Variants in ALPK2 observed in about 807,000 individuals in gnomAD.
ALPK2 encodes alpha kinase 2.
A neutral mutation model predicts 163.1 loss-of-function variants in ALPK2; 127 were observed. The observed-to-expected ratio is 0.78, with a 90% CI of 0.67 to 0.90. ALPK2 has a LOEUF of 0.90. ALPK2 is among the 40% of genes least tolerant of loss of function. The pLI, the probability that ALPK2 is intolerant of heterozygous loss-of-function variation, is 0.00. For synonymous variants in ALPK2, 953 were observed against 959.1 expected (o/e 0.99, Z 0.12); for missense variants, 2,360 against 2,589.6 (o/e 0.91, Z 1.92).
At chr18:58,569,337 G>A (rs2051873260) in intron 4 of ALPK2, among the ~76,000 whole-genome samples, 1 of 152,198 alleles carries the variant, frequency 6.6e-6, no homozygotes, top group Non-Finnish European at 1.5e-5. Context: ...GAATGTCTGA[G>A]GGCAAAACCC....
At chr18:58,568,357 A>G (rs1337358906) in intron 4 of ALPK2, among the ~76,000 whole-genome samples, 2 of 152,186 alleles carry the variant, frequency 1.3e-5, no homozygotes. Context: ...CGAATCCCCA[A>G]GAAAGTACAT....
chr18:58,557,423 G>T (rs958465408), intron 4 of ALPK2, among the ~76,000 whole-genome samples: 2 of 151,986 alleles, frequency 1.3e-5, no homozygotes, highest in Non-Finnish European at 2.9e-5. Flanking sequence ...ATGGGCTTTG[G>T]GTGATGGTGA....
At chr18:58,593,342 G>T (rs1312576722) in intron 3 of ALPK2, among the ~76,000 whole-genome samples, 2 of 152,044 alleles carry the variant, frequency 1.3e-5, no homozygotes, top group African/African-American at 4.8e-5. Context: ...AAGGCAGGTG[G>T]ATCATGAGGT....
At chr18:58,504,447 C>T (rs2051451085) in intron 10 of ALPK2, among the ~76,000 whole-genome samples, 1 of 152,188 alleles carries the variant, frequency 6.6e-6, no homozygotes, top group African/African-American at 2.4e-5. Context: ...TATATCCATT[C>T]ATCCATTCAT....
At chr18:58,592,366 A>G (rs1014398229) in intron 3 of ALPK2, among the ~76,000 whole-genome samples, 2 of 152,242 alleles carry the variant, frequency 1.3e-5, no homozygotes, top group African/African-American at 4.8e-5. Flanking sequence ...TCTGGTGGTT[A>G]GGACAGGAGA....
chr18:58,548,081 G>A (rs1285749236), intron 4 of ALPK2, among the ~76,000 whole-genome samples: 6 of 152,116 alleles, frequency 3.9e-5, no homozygotes, highest in Non-Finnish European at 7.4e-5. Flanking sequence ...TACTTGTCAC[G>A]ATTACTACAC....
In ALPK2 at chr18:58,535,921, G is replaced by A. The variant is rs1437040649; in HGVS notation, c.4266C>T (p.Pro1422=). 6.2e-7 allele frequency: 1 copy of A among 1,614,132 alleles called. No individual in the cohort carries two copies. Among genetic ancestry groups the A allele is most frequent in the African/African-American group, 1.3e-5 (1 of 75,034 alleles). The change falls in exon 5 of 13, where the codon CCC becomes CCT. Residue 1422 remains proline, a synonymous_variant. Transcript: ENST00000361673. ...TGGCGCCCTGTGGTGTGGTTTCAGA[G>A]GGCTCTGGTTTTCCAGCCCTGGTGT... is the stretch of plus-strand genomic sequence containing the variant. ...IEYTRAGKPE[P]SETTPQGARE...
intron 12 of ALPK2, among the ~76,000 whole-genome samples, chr18:58,492,056 AC>A (rs1221323232): frequency 1.3e-5 from 2 of 152,194 alleles, no homozygotes; most frequent in African/African-American, 4.8e-5. Flanking sequence ...AGGGGTGCTC[AC>A]CACTCTGGAA....
chr18:58,587,753 A>C (rs1433781043), intron 3 of ALPK2, among the ~76,000 whole-genome samples: 4 of 152,164 alleles, frequency 2.6e-5, no homozygotes, highest in African/African-American at 4.8e-5. Context: ...CTGATGGTAT[A>C]CCAGCTTACA....
chr18:58,604,675 C>T (rs1255713749), intron 3 of ALPK2, among the ~76,000 whole-genome samples: 2 of 152,196 alleles, frequency 1.3e-5, no homozygotes, highest in African/African-American at 4.8e-5. Flanking sequence ...TGCATTACGA[C>T]GGAATACTTT....
chr18:58,603,138 A>G (rs1235054342), intron 3 of ALPK2, among the ~76,000 whole-genome samples: 1 of 152,236 alleles, frequency 6.6e-6, no homozygotes, highest in African/African-American at 2.4e-5. Flanking sequence ...CTTTCTTAAT[A>G]AACTTGCTCC....
intron 4 of ALPK2, among the ~76,000 whole-genome samples, chr18:58,560,929 G>T (rs959904026): frequency 6.6e-6 from 1 of 152,208 alleles, no homozygotes; most frequent in Non-Finnish European, 1.5e-5. Flanking sequence ...GCCAGTGAGA[G>T]ATTTACTTTT....
intron 9 of ALPK2, among the ~76,000 whole-genome samples, chr18:58,516,372 G>A (rs1277553770): frequency 6.6e-6 from 1 of 152,200 alleles, no homozygotes; most frequent in Non-Finnish European, 1.5e-5. Flanking sequence ...AACTCAGCTA[G>A]AGACTTGGGT....
intron 4 of ALPK2, among the ~76,000 whole-genome samples, chr18:58,551,032 C>A (rs2051756840): frequency 1.3e-5 from 2 of 151,728 alleles, no homozygotes; most frequent in South Asian, 2.1e-4. Flanking sequence ...TTCTCTTCAC[C>A]TTATCACCAT....
In ALPK2 at chr18:58,535,636, A is replaced by G. The variant is rs996682618; in HGVS notation, c.4551T>C (p.Ser1517=). The G allele has an allele frequency of 1.9e-6, 3 of 1,614,148 alleles. No individual in the cohort carries two copies. The highest frequency in any genetic ancestry group is 3.3e-5 in the Admixed American group (2 of 60,026). ...GCTCAGCCTCCCCTAAGCTCCCATC[A>G]CTGCTTTCTTGTATTTGGCCTATGC... ...GCSIGQIQES[S]DGSLGEAEQS... Residue 1517 remains serine, a synonymous_variant, in exon 5 of 13, where the codon AGT becomes AGC. Coordinates refer to ENST00000361673, the MANE Select transcript of ALPK2 (RefSeq NM_052947.4).
intron 12 of ALPK2, among the ~76,000 whole-genome samples, chr18:58,497,373 A>G (rs548938996): frequency 2.0e-5 from 3 of 152,346 alleles, no homozygotes; most frequent in African/African-American, 4.8e-5. Flanking sequence ...CACCAAGAAC[A>G]ACAAATGGCT....
chr18:58,492,176 A>C (rs751241696), intron 12 of ALPK2, among the ~76,000 whole-genome samples: 29 of 152,036 alleles, frequency 1.9e-4, no homozygotes, highest in Non-Finnish European at 3.7e-4. Flanking sequence ...ACACAGAGGC[A>C]GACACAAAAA....
At position 58,534,975 on chromosome 18, in the gene ALPK2, GT is replaced by G; in HGVS notation, c.5211del (p.Leu1738Ter). 2 of 1,614,114 alleles carry G rather than the reference GT, an allele frequency of 1.2e-6. No homozygotes were observed. Among genetic ancestry groups the G allele is most frequent in the Non-Finnish European group, 1.7e-6 (2 of 1,180,014 alleles). Reference protein sequence around the residue: ...VKKKILSRVAALRLKLEEKEN... With the variant: ...VKKKILSRVAXLRLKLEEKEN... ...TCCTTTTCTTCCAGTTTCAGCCTCA[GT>G]GCTGCCACCCTGGACAAAATTTTCT... On this transcript the variant is annotated frameshift_variant, in exon 5 of 13. Transcript: ENST00000361673.
intron 12 of ALPK2, among the ~76,000 whole-genome samples, chr18:58,491,286 A>G (rs2051373779): frequency 6.6e-6 from 1 of 152,244 alleles, no homozygotes; most frequent in Admixed American, 6.5e-5. Flanking sequence ...AGACGGTAAC[A>G]GCCCTTTCCC....
Sources: allele counts gnomAD v4.1 joint callset (sites outside exome capture counted in the v4.1 genomes callset), GRCh38; gene constraint gnomAD v4.1.1; transcripts MANE v1.5; gene names NCBI Gene and HGNC (gene_info 2026-07-23, HGNC 2026-07-21).